CDH11: variants seen among roughly 807,000 people sequenced by gnomAD.
CDH11 encodes cadherin-11.
CDH11 carries 11 observed loss-of-function variants against 67.8 expected under a neutral mutation model. The observed-to-expected ratio is 0.16, with a 90% CI of 0.10 to 0.27. The LOEUF is 0.27. CDH11 is among the 10% of genes least tolerant of loss of function. The probability of loss-of-function intolerance (pLI) is 1.00; values close to 1 mark genes in which losing one functional copy is unlikely to be tolerated. For missense variants in CDH11, 847 were observed against 1,031.2 expected (o/e 0.82, Z 2.45); for synonymous variants, 419 against 400.0 (o/e 1.05, Z -0.57).
Position 64,944,809 on chromosome 16 carries a change from C to T in CDH11, c.*2794G>A, listed in dbSNP as rs528281377. ...CCGCTCACACTCTATATCTCACCAT[C>T]TCCTTCCTGTTATATCTTTTATGTT... On this transcript the variant is annotated 3_prime_UTR_variant, in exon 13 of 13. Coordinates refer to ENST00000268603, the MANE Select transcript of CDH11 (RefSeq NM_001797.4). 5 of 229,526 alleles carry T rather than the reference C, an allele frequency of 2.2e-5. No homozygotes were observed. In the South Asian group the frequency reaches 7.3e-4, roughly 33 times the overall value. 14.2% of individuals were successfully genotyped at this position (229,526 alleles called of 1,614,324 possible). A position where few individuals can be genotyped will look rare whatever the true frequency, so the allele number is the denominator to read the frequency against.
At chr16:65,065,485 C>T (rs1567557743) in intron 1 of CDH11, among the ~76,000 whole-genome samples, 3 of 152,178 alleles carry the variant, frequency 2.0e-5, no homozygotes, top group African/African-American at 4.8e-5. Context: ...CGGGGACACA[C>T]GACCTGGCAC....
intron 2 of CDH11, among the ~76,000 whole-genome samples, chr16:65,035,145 G>A (rs1302789500): frequency 6.6e-6 from 1 of 152,222 alleles, no homozygotes; most frequent in African/African-American, 2.4e-5. Context: ...TTCAGTGAGA[G>A]GCTCAAGGCA....
intron 1 of CDH11, among the ~76,000 whole-genome samples, chr16:65,090,145 T>G (rs922164085): frequency 6.6e-6 from 1 of 152,134 alleles, no homozygotes; most frequent in Non-Finnish European, 1.5e-5. Flanking sequence ...AAAATTCAGA[T>G]ACGGAAATAA....
Position 64,946,013 on chromosome 16 carries a change from T to G in CDH11, c.*1590A>C. 9 of 1,059,034 alleles carry G rather than the reference T, an allele frequency of 8.5e-6. No homozygotes were observed. The highest frequency in any genetic ancestry group is 9.1e-6 in the Non-Finnish European group (8 of 875,432). The allele number at this position is 1,059,034 out of a possible 1,614,324, so 65.6% of individuals were successfully genotyped here. A position where few individuals can be genotyped will look rare whatever the true frequency, so the allele number is the denominator to read the frequency against. ...AGGTGAAATGCCCTTCACATAAGTT[T>G]CAATCCCCAAGAAACTAGCTGGAAT... is the stretch of plus-strand genomic sequence containing the variant. On this transcript the variant is annotated 3_prime_UTR_variant, in exon 13 of 13. Transcript: ENST00000268603.
intron 11 of CDH11, among the ~76,000 whole-genome samples, chr16:64,966,424 G>A (rs2071829334): frequency 7.5e-6 from 1 of 133,724 alleles, no homozygotes; most frequent in Admixed American, 8.3e-5. Context: ...TTGTAAAATA[G>A]TAATAAAATA....
chr16:65,022,746 T>C (rs1347926898), intron 2 of CDH11, among the ~76,000 whole-genome samples: 1 of 152,138 alleles, frequency 6.6e-6, no homozygotes, highest in Non-Finnish European at 1.5e-5. Context: ...GTGCTAGGAA[T>C]CAGCCAACAA....
chr16:65,016,967 T>C (rs1263140531), intron 2 of CDH11, among the ~76,000 whole-genome samples: 2 of 152,178 alleles, frequency 1.3e-5, no homozygotes, highest in Non-Finnish European at 2.9e-5. Flanking sequence ...CCATGGCATT[T>C]GTAAACTGTT....
chr16:64,984,556 A>G (rs1030697503), intron 7 of CDH11: 1 of 152,238 alleles, frequency 6.6e-6, no homozygotes, highest in African/African-American at 2.4e-5. Context: ...GTAGTTTACT[A>G]ATCCCACCTC....
At chr16:64,956,879 T>C (rs190305621) in intron 11 of CDH11, among the ~76,000 whole-genome samples, 9 of 152,172 alleles carry the variant, frequency 5.9e-5, no homozygotes, top group Admixed American at 5.2e-4. Flanking sequence ...TGAGGAAATA[T>C]ATGAGACTGG....
chr16:64,968,904 G>A (rs559143974), intron 11 of CDH11, among the ~76,000 whole-genome samples: 2 of 152,292 alleles, frequency 1.3e-5, no homozygotes, highest in Non-Finnish European at 2.9e-5. Context: ...CTAGTAGAAA[G>A]AAAGTCTATT....
intron 9 of CDH11, 36 bp from the exon 10 acceptor site, chr16:64,972,100 A>G (rs1430243991): frequency 1.9e-6 from 3 of 1,603,356 alleles, no homozygotes; most frequent in Middle Eastern, 1.7e-4. Flanking sequence ...AAGAAAGGTC[A>G]AGGAGAAATA....
intron 2 of CDH11, among the ~76,000 whole-genome samples, chr16:65,010,138 GTAGCTAATTTA>G (rs2073146160): frequency 6.6e-6 from 1 of 152,060 alleles, no homozygotes. Context: ...TCATTTCCAG[GTAGCTAATTTA>G]TAGTTAGAGA....
chr16:65,119,483 A>G (rs1567591065), intron 1 of CDH11, among the ~76,000 whole-genome samples: 1 of 152,230 alleles, frequency 6.6e-6, no homozygotes, highest in Non-Finnish European at 1.5e-5. Context: ...TGCTGAACGT[A>G]ATGAAAGTTC....
intron 1 of CDH11, among the ~76,000 whole-genome samples, chr16:65,066,552 G>A (rs535770768): frequency 1.3e-5 from 2 of 152,148 alleles, no homozygotes; most frequent in Non-Finnish European, 2.9e-5. Flanking sequence ...ATTTTAAAAC[G>A]TTAATAAAAC....
chr16:64,968,714 G>A, intron 11 of CDH11: 1 of 183,238 alleles, frequency 5.5e-6, no homozygotes, highest in Non-Finnish European at 1.0e-5. Context: ...CATAATGGAA[G>A]TAAACACTCA....
intron 2 of CDH11, among the ~76,000 whole-genome samples, chr16:65,010,218 T>C (rs1316538089): frequency 6.6e-6 from 1 of 152,142 alleles, no homozygotes; most frequent in African/African-American, 2.4e-5. Context: ...AAAACCCCAT[T>C]CTGTATCTGC....
At chr16:65,070,578 C>T (rs1213050002) in intron 1 of CDH11, among the ~76,000 whole-genome samples, 3 of 152,140 alleles carry the variant, frequency 2.0e-5, no homozygotes, top group Non-Finnish European at 2.9e-5. Flanking sequence ...CCCACACATG[C>T]CATGGGTGAG....
chr16:65,075,186 A>G lies in CDH11; in HGVS notation c.-297-21258T>C, dbSNP rs536677867. ...GACTTGGATAGGGAAAAATGGGGGG[A>G]AAGTAGGCCTGAAAGGAATGGCTCT... On this transcript the variant is annotated intron_variant, in intron 1 of 12. Transcript: ENST00000268603. Among the ~76,000 whole-genome samples the G allele has an allele frequency of 2.0e-5, 3 of 152,196 alleles. No homozygotes were observed. The East Asian group carries it at 5.8e-4, about 29-fold the overall frequency.
chr16:65,087,267 C>A (rs994388648), intron 1 of CDH11, among the ~76,000 whole-genome samples: 4 of 152,200 alleles, frequency 2.6e-5, no homozygotes, highest in African/African-American at 9.7e-5. Context: ...TAGTCTAATT[C>A]TTCATGCCTT....
Sources: allele counts gnomAD v4.1 joint callset (sites outside exome capture counted in the v4.1 genomes callset), GRCh38; gene constraint gnomAD v4.1.1; transcripts MANE v1.5; gene names NCBI Gene and HGNC (gene_info 2026-07-23, HGNC 2026-07-21).